Variants in GRID1 observed in about 807,000 individuals in gnomAD.
GRID1 encodes glutamate ionotropic receptor delta type subunit 1, also known as glutamate receptor ionotropic, delta-1.
In GRID1, 28 loss-of-function variants were observed where a neutral mutation model predicts 98.0. That is an observed-to-expected ratio of 0.29 (90% CI 0.21 to 0.39). The LOEUF (loss-of-function observed/expected upper bound fraction) is 0.39, where lower values mean the gene tolerates loss of function less well. Among genes scored for constraint, GRID1 ranks in the 10% least tolerant of loss-of-function variants. The probability of loss-of-function intolerance (pLI) is 1.00; values close to 1 mark genes in which losing one functional copy is unlikely to be tolerated. For synonymous variants in GRID1, 553 were observed against 538.5 expected, an observed-to-expected ratio of 1.03 and a Z score of -0.37; for missense variants, 1,111 against 1,340.5, an observed-to-expected ratio of 0.83 and a Z score of 2.67.
At chr10:85,654,216 T>C (rs1323244549) in intron 12 of GRID1, among the ~76,000 whole-genome samples, 1 of 152,186 alleles carries the variant, frequency 6.6e-6, no homozygotes, top group Non-Finnish European at 1.5e-5. Context: ...CTTCCCTCCA[T>C]GGCGTTTTCT....
intron 4 of GRID1, among the ~76,000 whole-genome samples, chr10:85,970,717 A>C (rs949778104): frequency 6.6e-6 from 1 of 152,096 alleles, no homozygotes; most frequent in African/African-American, 2.4e-5. Flanking sequence ...TCTGCAGCTA[A>C]CATCATACTG....
At chr10:86,025,400 T>C (rs537157565) in intron 4 of GRID1, among the ~76,000 whole-genome samples, 2 of 152,180 alleles carry the variant, frequency 1.3e-5, no homozygotes. Context: ...AAGAGTAACT[T>C]GACTCACTTG....
chr10:85,881,268 A>C (rs1391592198), intron 5 of GRID1, among the ~76,000 whole-genome samples: 1 of 152,210 alleles, frequency 6.6e-6, no homozygotes, highest in Non-Finnish European at 1.5e-5. Context: ...AATTGGAAAA[A>C]ACTACTTTAA....
At chr10:85,786,729 G>A (rs1040119417) in intron 8 of GRID1, among the ~76,000 whole-genome samples, 3 of 152,160 alleles carry the variant, frequency 2.0e-5, no homozygotes, top group East Asian at 1.9e-4. Flanking sequence ...GGAAAGGGCC[G>A]ATTAGATTAG....
intron 8 of GRID1, among the ~76,000 whole-genome samples, chr10:85,737,394 C>T (rs958087053): frequency 1.3e-4 from 20 of 151,918 alleles, no homozygotes; most frequent in African/African-American, 4.4e-4. Context: ...GAAATACCTT[C>T]TGCACTGGCA....
At chr10:85,818,369 T>C (rs901211191) in intron 8 of GRID1, among the ~76,000 whole-genome samples, 2 of 147,878 alleles carry the variant, frequency 1.4e-5, no homozygotes, top group African/African-American at 5.0e-5. Flanking sequence ...CAGACAGAAA[T>C]AGAGATGTGT....
intron 4 of GRID1, among the ~76,000 whole-genome samples, chr10:85,964,821 C>A (rs563630930): frequency 6.6e-6 from 1 of 152,114 alleles, no homozygotes; most frequent in African/African-American, 2.4e-5. Flanking sequence ...AGCTTCTGCA[C>A]AGCAAAAGAA....
intron 4 of GRID1, among the ~76,000 whole-genome samples, chr10:86,045,870 G>A (rs771098603): frequency 4.6e-5 from 7 of 152,208 alleles, no homozygotes; most frequent in African/African-American, 7.2e-5. Context: ...GGCTGAAACC[G>A]TAGTTTAGAG....
chr10:86,323,299 G>A (rs1847995962), intron 2 of GRID1, among the ~76,000 whole-genome samples: 1 of 152,166 alleles, frequency 6.6e-6, no homozygotes, highest in Admixed American at 6.5e-5. Flanking sequence ...GTGGGGAGCA[G>A]CCCCGACCTC....
At chr10:85,661,760 A>C (rs902667719) in intron 12 of GRID1, among the ~76,000 whole-genome samples, 2 of 152,214 alleles carry the variant, frequency 1.3e-5, no homozygotes, top group Non-Finnish European at 2.9e-5. Context: ...TCGGGATGAA[A>C]GGTAATGCAC....
At chr10:86,319,556 C>T (rs1847941800) in intron 2 of GRID1, among the ~76,000 whole-genome samples, 1 of 152,190 alleles carries the variant, frequency 6.6e-6, no homozygotes, top group Non-Finnish European at 1.5e-5. Flanking sequence ...GGGAAAACTC[C>T]AGCTACCCTC....
At chr10:85,855,337 T>A (rs1843099529) in intron 7 of GRID1, among the ~76,000 whole-genome samples, 1 of 152,188 alleles carries the variant, frequency 6.6e-6, no homozygotes, top group Non-Finnish European at 1.5e-5. Context: ...CCTTTCTCTC[T>A]CCAAGCCCAG....
chr10:85,741,268 T>A (rs1302202767), intron 8 of GRID1, among the ~76,000 whole-genome samples: 1 of 152,108 alleles, frequency 6.6e-6, no homozygotes, highest in Non-Finnish European at 1.5e-5. Flanking sequence ...TTACTTAGAG[T>A]GGTTGAAAGT....
chr10:85,779,023 A>T (rs1381013404), intron 8 of GRID1, among the ~76,000 whole-genome samples: 1 of 152,244 alleles, frequency 6.6e-6, no homozygotes, highest in Non-Finnish European at 1.5e-5. Flanking sequence ...TTTAAACAAA[A>T]AACAGTTCTG....
intron 4 of GRID1, among the ~76,000 whole-genome samples, chr10:85,996,310 G>A (rs1489328259): frequency 6.6e-6 from 1 of 152,142 alleles, no homozygotes; most frequent in Non-Finnish European, 1.5e-5. Flanking sequence ...TTATAAAAAT[G>A]TTCCAACAAG....
intron 2 of GRID1, among the ~76,000 whole-genome samples, chr10:86,310,050 C>T (rs989575619): frequency 6.6e-6 from 1 of 152,236 alleles, no homozygotes; most frequent in African/African-American, 2.4e-5. Flanking sequence ...AGCCTCAGCT[C>T]CACCACCTGC....
chr10:85,930,056 T>C (rs1437073297), intron 4 of GRID1, among the ~76,000 whole-genome samples: 1 of 152,244 alleles, frequency 6.6e-6, no homozygotes, highest in Admixed American at 6.5e-5. Flanking sequence ...TAGTAGACTA[T>C]GATTATATTA....
At chr10:86,318,882 C>T (rs1384296396) in intron 2 of GRID1, among the ~76,000 whole-genome samples, 4 of 152,164 alleles carry the variant, frequency 2.6e-5, no homozygotes, top group Non-Finnish European at 5.9e-5. Context: ...AAAAACTAAA[C>T]AAGTAAATAC....
chr10:85,957,914 G>T (rs1564635387), intron 4 of GRID1, among the ~76,000 whole-genome samples: 1 of 152,222 alleles, frequency 6.6e-6, no homozygotes, highest in Non-Finnish European at 1.5e-5. Flanking sequence ...ACCTATCAAG[G>T]TGAGACAAGC....
Sources: allele counts gnomAD v4.1 joint callset (sites outside exome capture counted in the v4.1 genomes callset), GRCh38; gene constraint gnomAD v4.1.1; transcripts MANE v1.5; gene names NCBI Gene and HGNC (gene_info 2026-07-23, HGNC 2026-07-21).